The following ZNF658 variants were observed in gnomAD, a reference collection of about 807,000 sequenced individuals.
ZNF658 encodes the protein zinc finger protein 658.
In ZNF658, 46 loss-of-function variants were observed where a neutral mutation model predicts 78.0. The ratio of observed to expected loss-of-function variants is 0.59; its 90% CI spans 0.47 to 0.75. ZNF658 has a LOEUF of 0.75. ZNF658 is among the 30% of genes least tolerant of loss of function. The probability of loss-of-function intolerance (pLI) is 0.00; values close to 1 mark genes in which losing one functional copy is unlikely to be tolerated. For missense variants in ZNF658, 785 were observed against 1,189.3 expected (o/e 0.66, Z 5.00); for synonymous variants, 279 against 408.4 (o/e 0.68, Z 3.82).
At position 66,917,918 on chromosome 9, in the gene ZNF658, G is replaced by C; in HGVS notation, c.352G>C (p.Val118Leu). 1 of 1,610,398 alleles carries C rather than the reference G, an allele frequency of 6.2e-7. No homozygotes were observed. ...AACATTGAGTAAAGAAGGACAGAAA[G>C]TTTTAGAAAAACCATTTAATCTGGA... Reference protein sequence around the residue: ...DKTLSKEGQKVLEKPFNLEIA... With the variant: ...DKTLSKEGQKLLEKPFNLEIA... The change falls in exon 5 of 5, where the codon GTT becomes CTT. Residue 118 changes from valine (V) to leucine (L), a missense_variant. Val to Leu is a conservative substitution (Grantham distance 32). Coordinates refer to ENST00000621410, the MANE Select transcript of ZNF658 (RefSeq NM_033160.7).
At chr9:66,914,430 G>GTA (rs1822286597) in intron 4 of ZNF658, among the ~76,000 whole-genome samples, 1 of 151,862 alleles carries the variant, frequency 6.6e-6, no homozygotes, top group African/African-American at 2.4e-5. Flanking sequence ...AATTTACTCT[G>GTA]TATCTTTGTG....
rs369322430 is a variant in ZNF658 at position 66,920,301 on chromosome 9, G to C, written c.2735G>C (p.Cys912Ser). 53 of 1,613,810 alleles carry C rather than the reference G, an allele frequency of 3.3e-5. 1 individual carries two copies. The highest frequency in any genetic ancestry group is 4.2e-5 in the Non-Finnish European group (50 of 1,179,948). Residue 912 changes from cysteine (C) to serine (S), a missense_variant, in exon 5 of 5, where the codon TGC (cysteine) becomes TCC (serine). Physicochemically the swap from Cys to Ser is moderately radical, Grantham distance 112. Transcript: ENST00000621410. ...RTRSGEKPYE[C>S]SECGKTFSEK... is the part of the protein sequence containing the mutation. ...CGCTCAGGGGAGAAACCCTATGAAT[G>C]CAGTGAATGTGGGAAAACCTTCTCT...
intron 1 of ZNF658, chr9:66,901,127 C>G (rs917977352): frequency 6.6e-6 from 1 of 152,186 alleles, no homozygotes; most frequent in East Asian, 1.9e-4. Context: ...TAAGTTGTCA[C>G]CTGTAAAGCA....
chr9:66,903,860 A>G (rs1251484057), intron 2 of ZNF658, among the ~76,000 whole-genome samples: 1 of 152,054 alleles, frequency 6.6e-6, no homozygotes, highest in Non-Finnish European at 1.5e-5. Flanking sequence ...GATGAGAAAG[A>G]TAAAGCCAAC....
intron 4 of ZNF658, among the ~76,000 whole-genome samples, chr9:66,909,890 G>A (rs555476040): frequency 2.0e-5 from 3 of 152,324 alleles, no homozygotes; most frequent in East Asian, 1.9e-4. Context: ...TGGAGGCTGG[G>A]AGTCTAAAAT....
chr9:66,925,393 G>T (rs1414489365), downstream of ZNF658, among the ~76,000 whole-genome samples: 3 of 152,040 alleles, frequency 2.0e-5, no homozygotes, highest in Non-Finnish European at 2.9e-5. Flanking sequence ...GACAAAAACA[G>T]AAATGAAAAA....
intron 4 of ZNF658, among the ~76,000 whole-genome samples, chr9:66,910,217 A>G (rs1418688398): frequency 6.6e-6 from 1 of 152,214 alleles, no homozygotes; most frequent in Non-Finnish European, 1.5e-5. Flanking sequence ...GTCACCAATG[A>G]TATCAGGCAT....
chr9:66,922,524 T>C (rs1244883915), downstream of ZNF658, among the ~76,000 whole-genome samples: 1 of 111,318 alleles, frequency 9.0e-6, no homozygotes, highest in Non-Finnish European at 1.9e-5. Flanking sequence ...TTAAACTGAA[T>C]GATAACAATG....
At chr9:66,911,779 TG>T (rs908977757) in intron 4 of ZNF658, among the ~76,000 whole-genome samples, 2 of 80,856 alleles carry the variant, frequency 2.5e-5, no homozygotes, top group African/African-American at 1.6e-4. Context: ...TGAGGCTTTA[TG>T]TAAAGTGCTG....
chr9:66,910,635 T>C (rs1822193259), intron 4 of ZNF658, among the ~76,000 whole-genome samples: 1 of 151,904 alleles, frequency 6.6e-6, no homozygotes, highest in African/African-American at 2.4e-5. Flanking sequence ...GGTGAAACCC[T>C]GTCTCTACTA....
chr9:66,925,666 G>A (rs535969970), downstream of ZNF658, among the ~76,000 whole-genome samples: 89 of 152,164 alleles, frequency 5.8e-4, no homozygotes, highest in Non-Finnish European at 1.0e-3. Context: ...AATATTTAAA[G>A]AAGAATTAAT....
At chr9:66,910,718 C>T (rs1822195174) in intron 4 of ZNF658, among the ~76,000 whole-genome samples, 1 of 151,064 alleles carries the variant, frequency 6.6e-6, no homozygotes, top group African/African-American at 2.4e-5. Context: ...ATGGCGTGAA[C>T]CCAGGAGGCA....
downstream of ZNF658, among the ~76,000 whole-genome samples, chr9:66,922,544 T>C: frequency 9.6e-6 from 1 of 103,762 alleles, no homozygotes; most frequent in South Asian, 4.4e-4. Flanking sequence ...GTGTTGTTAT[T>C]GCAACATATG....
chr9:66,901,241 G>A (rs1486518444), intron 1 of ZNF658, among the ~76,000 whole-genome samples: 1 of 152,050 alleles, frequency 6.6e-6, no homozygotes, highest in African/African-American at 2.4e-5. Flanking sequence ...CCCTCACAAC[G>A]ACCTCTTTGG....
chr9:66,907,711 T>A (rs553396445), intron 2 of ZNF658, among the ~76,000 whole-genome samples: 1 of 152,368 alleles, frequency 6.6e-6, no homozygotes, highest in African/African-American at 2.4e-5. Flanking sequence ...TGGGTGTTGC[T>A]TCTCTTCTGT....
Position 66,918,627 on chromosome 9 carries a change from A to G in ZNF658, c.1061A>G (p.Glu354Gly). 1 of 1,611,368 alleles carries G rather than the reference A, an allele frequency of 6.2e-7. No individual in the cohort carries two copies. The highest frequency in any genetic ancestry group is 8.5e-7 in the Non-Finnish European group (1 of 1,177,686). Residue 354 changes from glutamate (E) to glycine (G), a missense_variant, in exon 5 of 5, where the codon GAA becomes GGA. Glu to Gly is a moderately conservative substitution (Grantham distance 98, BLOSUM62 -2). Transcript: ENST00000621410. Reference sequence around the variant, plus strand: ...ACACAAGCTGGAGATAAATTTGGTGAACATAATGAATGTACAGATGCCCTC... The same window carrying G: ...ACACAAGCTGGAGATAAATTTGGTGGACATAATGAATGTACAGATGCCCTC... Reference protein sequence around the residue: ...QKTQAGDKFGEHNECTDALYQ... With the variant: ...QKTQAGDKFGGHNECTDALYQ...
At chr9:66,902,718 T>C (rs1218268886) in intron 1 of ZNF658, among the ~76,000 whole-genome samples, 7 of 151,744 alleles carry the variant, frequency 4.6e-5, no homozygotes, top group African/African-American at 1.7e-4. Context: ...AGGAAGAATT[T>C]CCTATATTGG....
At chr9:66,908,414 A>T (rs1198219229) in intron 3 of ZNF658, 50 bp downstream of exon 3, 1 of 1,612,180 alleles carries the variant, frequency 6.2e-7, no homozygotes, top group Non-Finnish European at 8.5e-7. Context: ...GTCCCTTTTT[A>T]AAAAGTATCA....
chr9:66,907,880 A>G (rs569569707), intron 2 of ZNF658, among the ~76,000 whole-genome samples: 2 of 151,412 alleles, frequency 1.3e-5, no homozygotes, highest in Admixed American at 1.3e-4. Context: ...CTTCACATAT[A>G]TCTCTTCCTT....
Sources: allele counts gnomAD v4.1 joint callset (sites outside exome capture counted in the v4.1 genomes callset), GRCh38; gene constraint gnomAD v4.1.1; transcripts MANE v1.5; gene names NCBI Gene and HGNC (gene_info 2026-07-23, HGNC 2026-07-21).